MTMR3: variants seen among roughly 807,000 people sequenced by gnomAD.
The protein encoded by MTMR3 is phosphatidylinositol-3,5-bisphosphate 3-phosphatase MTMR3.
A neutral mutation model predicts 132.4 loss-of-function variants in MTMR3; 32 were observed. The observed-to-expected ratio is 0.24, with a 90% CI of 0.18 to 0.32. The LOEUF is 0.32. Among genes scored for constraint, MTMR3 ranks in the 10% least tolerant of loss-of-function variants. MTMR3 has a pLI of 1.00. For synonymous variants in MTMR3, 556 were observed against 550.3 expected (o/e 1.01, Z -0.14); for missense variants, 1,216 against 1,489.6 (o/e 0.82, Z 3.02).
chr22:29,964,936 A>G (rs2066385680), intron 2 of MTMR3, among the ~76,000 whole-genome samples: 1 of 152,180 alleles, frequency 6.6e-6, no homozygotes, highest in East Asian at 1.9e-4. Flanking sequence ...GGTACAGTTT[A>G]GCTACAATGG....
chr22:29,946,021 T>TTGTGTGTGTG (rs57792760), intron 1 of MTMR3, among the ~76,000 whole-genome samples: 24,353 of 150,784 alleles, frequency 0.16, 2,085 homozygotes, highest in South Asian at 0.27. Flanking sequence ...GTGTATATAT[T>TTGTGTGTGTG]TGTGTGTGTG....
chr22:29,885,895 A>G (rs1344291021), intron 1 of MTMR3, among the ~76,000 whole-genome samples: 7 of 152,196 alleles, frequency 4.6e-5, no homozygotes, highest in Admixed American at 4.6e-4. Flanking sequence ...AGGTTCTTAC[A>G]AGTTTGGAAG....
At chr22:29,902,747 C>A (rs1360749304) in intron 1 of MTMR3, among the ~76,000 whole-genome samples, 1 of 152,168 alleles carries the variant, frequency 6.6e-6, no homozygotes, top group Non-Finnish European at 1.5e-5. Context: ...CTCTCCTCCC[C>A]TCTCCTCCCC....
chr22:29,897,570 G>A (rs5763585), intron 1 of MTMR3, among the ~76,000 whole-genome samples: 8,988 of 150,932 alleles, frequency 0.06, 502 homozygotes, highest in South Asian at 0.25. Context: ...CTTGTGCCTC[G>A]GCCTTTTGAG....
chr22:29,905,594 A>G (rs1308172388), intron 1 of MTMR3, among the ~76,000 whole-genome samples: 2 of 152,166 alleles, frequency 1.3e-5, no homozygotes, highest in Non-Finnish European at 2.9e-5. Context: ...TTTCCTTTGG[A>G]TAAGGTACTT....
At chr22:29,906,248 C>CCG (rs1568998176) in intron 1 of MTMR3, among the ~76,000 whole-genome samples, 2 of 97,390 alleles carry the variant, frequency 2.1e-5, no homozygotes, top group East Asian at 2.5e-4. Flanking sequence ...ATCCATCCGT[C>CCG]TGTCTGTCTG....
intron 15 of MTMR3, 75 bp downstream of exon 15, chr22:30,016,773 A>G: frequency 1.4e-6 from 2 of 1,470,312 alleles, no homozygotes; most frequent in Non-Finnish European, 1.8e-6. Context: ...AGCCTTTTTG[A>G]GTAGTGACTG....
intron 2 of MTMR3, among the ~76,000 whole-genome samples, chr22:29,961,000 G>GT (rs1476943140): frequency 4.6e-5 from 7 of 152,226 alleles, no homozygotes; most frequent in South Asian, 2.1e-4. Flanking sequence ...CCATTATATA[G>GT]TTTTTTGTGT....
At position 29,991,677 on chromosome 22, in the gene MTMR3, C is replaced by G; in HGVS notation, c.460+7C>G. On this transcript the variant is annotated splice_region_variant and intron_variant, in intron 7 of 19. Coordinates refer to ENST00000401950, the MANE Select transcript of MTMR3 (RefSeq NM_021090.4). ...GGAGACCTGTGCAGACCAGGTACGC[C>G]TTTCTGAAATGTGCAAATGGCCAGG... is the stretch of plus-strand genomic sequence containing the variant. The G allele has an allele frequency of 6.3e-7, 1 of 1,580,772 alleles. No individual in the cohort carries two copies. The highest frequency in any genetic ancestry group is 8.6e-7 in the Non-Finnish European group (1 of 1,164,250).
intron 1 of MTMR3, among the ~76,000 whole-genome samples, chr22:29,895,020 T>C (rs5763582): frequency 0.94 from 143,154 of 152,236 alleles, 67,397 homozygotes; most frequent in East Asian, 1. Context: ...CCAGCCTGGC[T>C]AACATGGCAA....
intron 19 of MTMR3, chr22:30,023,165 C>G (rs2067810228): frequency 2.1e-6 from 1 of 472,688 alleles, no homozygotes; most frequent in African/African-American, 2.0e-5. Flanking sequence ...GACAGTCTTC[C>G]AATCATTAAG....
chr22:29,966,740 TGTGTGTGTGTGTGTG>T (rs2066426234), intron 2 of MTMR3, among the ~76,000 whole-genome samples: 1 of 103,756 alleles, frequency 9.6e-6, no homozygotes, highest in Non-Finnish European at 2.1e-5. Flanking sequence ...TGTGTGTGTG[TGTGTGTGTGTGTGTG>T]TGTGTGTGTG....
chr22:29,953,760 C>A (rs139846888), intron 1 of MTMR3, among the ~76,000 whole-genome samples: 19 of 152,122 alleles, frequency 1.2e-4, no homozygotes, highest in Admixed American at 3.3e-4. Flanking sequence ...TTATTTATAC[C>A]CCTCTTGGAG....
rs186335650 is a variant in MTMR3, at chr22:29,947,198, G to A, written c.-137-9838G>A. Among the ~76,000 whole-genome samples the A allele has an allele frequency of 2.5e-3, 381 of 152,136 alleles. 3 individuals carry two copies. Among genetic ancestry groups the A allele is most frequent in the Middle Eastern group, 0.01 (3 of 294 alleles). On this transcript the variant is annotated intron_variant, in intron 1 of 19. Coordinates refer to ENST00000401950, the MANE Select transcript of MTMR3 (RefSeq NM_021090.4). ...CATATTATTTCTTTCTCCTCTTTCC[G>A]ACATAGCTCCTTTGACAAATGATTT...
intron 1 of MTMR3, among the ~76,000 whole-genome samples, chr22:29,937,446 T>A (rs1193405226): frequency 6.6e-6 from 1 of 151,936 alleles, no homozygotes; most frequent in Non-Finnish European, 1.5e-5. Context: ...GTCAGGGTCT[T>A]GCTCTGTTGC....
chr22:29,978,188 G>C (rs2145884195), intron 3 of MTMR3: 1 of 282,692 alleles, frequency 3.5e-6, no homozygotes, highest in South Asian at 5.2e-5. Context: ...AAAGTATTAA[G>C]AAGCTGTTAG....
chr22:29,954,099 A>G (rs2145838478), intron 1 of MTMR3, among the ~76,000 whole-genome samples: 1 of 109,884 alleles, frequency 9.1e-6, no homozygotes, highest in Non-Finnish European at 1.8e-5. Flanking sequence ...TTAAATTTAA[A>G]AGAGACGAGG....
At chr22:29,906,897 G>A (rs2065114647) in intron 1 of MTMR3, among the ~76,000 whole-genome samples, 1 of 151,756 alleles carries the variant, frequency 6.6e-6, no homozygotes, top group African/African-American at 2.4e-5. Flanking sequence ...GGCCAACATG[G>A]TGAAACCCCG....
chr22:29,998,950 T>C (rs1221154413), intron 8 of MTMR3, 93 bp downstream of exon 8: 3 of 741,040 alleles, frequency 4.0e-6, no homozygotes, highest in Non-Finnish European at 6.4e-6. Flanking sequence ...ACTTAGACTT[T>C]TTATTTGAAA....
Sources: allele counts gnomAD v4.1 joint callset (sites outside exome capture counted in the v4.1 genomes callset), GRCh38; gene constraint gnomAD v4.1.1; transcripts MANE v1.5; gene names NCBI Gene and HGNC (gene_info 2026-07-23, HGNC 2026-07-21).